Variants in VRK3 observed in about 807,000 individuals in gnomAD.
VRK3 encodes serine/threonine-protein kinase VRK3.
In VRK3, 50 loss-of-function variants were observed where a neutral mutation model predicts 60.4. That is an observed-to-expected ratio of 0.83 (90% CI 0.66 to 1.05). VRK3 has a LOEUF of 1.05. VRK3 is among the 50% of genes least tolerant of loss of function. The probability of loss-of-function intolerance (pLI) is 0.00; values close to 1 mark genes in which losing one functional copy is unlikely to be tolerated. For synonymous variants in VRK3, 246 were observed against 227.8 expected (o/e 1.08, Z -0.72); for missense variants, 549 against 585.3 (o/e 0.94, Z 0.64).
intron 3 of VRK3, among the ~76,000 whole-genome samples, chr19:50,014,920 T>C (rs1055825172): frequency 1.3e-5 from 2 of 151,878 alleles, no homozygotes; most frequent in African/African-American, 4.8e-5. Flanking sequence ...GGCTTCTGCA[T>C]AAGAGAGGTG....
intron 2 of VRK3, among the ~76,000 whole-genome samples, chr19:50,017,303 G>A (rs776354727): frequency 2.6e-5 from 4 of 152,170 alleles, no homozygotes; most frequent in East Asian, 1.9e-4. Flanking sequence ...GGCCGGGCAC[G>A]GTGGCTCGTG....
At chr19:49,987,791 C>T (rs1029140770) in intron 12 of VRK3, 2 of 151,090 alleles carry the variant, frequency 1.3e-5, no homozygotes, top group African/African-American at 4.9e-5. Flanking sequence ...CAAGCTCCCA[C>T]TCCCAGGTTC....
At chr19:50,007,972 T>C in intron 4 of VRK3, 146 bp from the exon 5 acceptor site, 1 of 1,223,392 alleles carries the variant, frequency 8.2e-7, no homozygotes, top group South Asian at 1.5e-5. Context: ...GTCAGGCCTT[T>C]GTGTGATGAT....
intron 5 of VRK3, among the ~76,000 whole-genome samples, chr19:50,004,587 C>T (rs1211635182): frequency 6.6e-6 from 1 of 152,172 alleles, no homozygotes; most frequent in African/African-American, 2.4e-5. Flanking sequence ...CACAGTGTGG[C>T]TGGCAGCATT....
At chr19:50,012,207 G>A (rs539207091) in intron 3 of VRK3, among the ~76,000 whole-genome samples, 1 of 152,176 alleles carries the variant, frequency 6.6e-6, no homozygotes, top group Non-Finnish European at 1.5e-5. Context: ...CCCGACCTCA[G>A]GTGATCAGGC....
rs115785556 is a variant in VRK3, at chr19:50,005,702, C to A, written c.547+1867G>T. ...ATATCACGCAGCCATAAAAGGAGTG[C>A]GGCAGTGACGCGCCACAGCATGGAT... On this transcript the variant is annotated intron_variant, in intron 5 of 14. Transcript: ENST00000316763. 3.2e-3 allele frequency among the ~76,000 whole-genome samples: 487 copies of A among 149,846 alleles called. 72 individuals are homozygous for A. The highest frequency in any genetic ancestry group is 0.012 in the African/African-American group (469 of 39,152).
chr19:50,014,356 T>G (rs1177975717), intron 3 of VRK3, among the ~76,000 whole-genome samples: 1 of 151,494 alleles, frequency 6.6e-6, no homozygotes, highest in African/African-American at 2.4e-5. Flanking sequence ...GTCAGGAATT[T>G]GAGACCAGCC....
intron 3 of VRK3, among the ~76,000 whole-genome samples, chr19:50,009,869 G>T (rs1458795834): frequency 6.6e-6 from 1 of 152,124 alleles, no homozygotes; most frequent in African/African-American, 2.4e-5. Flanking sequence ...TTGAACTCCT[G>T]ACCTCAAGTG....
At chr19:50,006,264 C>T (rs947456432) in intron 5 of VRK3, among the ~76,000 whole-genome samples, 3 of 151,242 alleles carry the variant, frequency 2.0e-5, no homozygotes, top group Non-Finnish European at 2.9e-5. Flanking sequence ...AAGCCGAGAT[C>T]GTGCCACTGC....
chr19:50,013,615 T>A (rs1051548458), intron 3 of VRK3, among the ~76,000 whole-genome samples: 4 of 152,220 alleles, frequency 2.6e-5, no homozygotes, highest in Non-Finnish European at 1.5e-5. Context: ...ATATAGTATC[T>A]GGGCTTGGGC....
chr19:49,994,828 C>A lies in VRK3; in HGVS notation c.856G>T (p.Val286Leu), dbSNP rs1221018150. The change falls in exon 9 of 15, where the codon GTG (valine) becomes TTG (leucine). Residue 286 changes from valine to leucine, a missense_variant. Transcript: ENST00000316763. Reference sequence around the variant, plus strand: ...TGGGTACGCACCAGCCGGCAGGCCACCTGCAGCACAGACCTCTCTGACAGC... The same window carrying A: ...TGGGTACGCACCAGCCGGCAGGCCAACTGCAGCACAGACCTCTCTGACAGC... Reference protein sequence around the residue: ...HVLSERSVLQVACRLLDALEF... With the variant: ...HVLSERSVLQLACRLLDALEF... 6.2e-7 allele frequency: 1 copy of A among 1,613,550 alleles called. No homozygotes were observed. The highest frequency in any genetic ancestry group is 1.3e-5 in the African/African-American group (1 of 74,916).
intron 3 of VRK3, among the ~76,000 whole-genome samples, chr19:50,011,560 C>T (rs1183882676): frequency 2.0e-5 from 3 of 152,166 alleles, no homozygotes. Context: ...GGTAGAAGCT[C>T]TTCCGCAGCT....
intron 4 of VRK3, 136 bp from the exon 5 acceptor site, chr19:50,007,962 G>T: frequency 7.7e-7 from 1 of 1,294,954 alleles, no homozygotes; most frequent in Non-Finnish European, 1.0e-6. Context: ...CCTTCTATGA[G>T]TCAGGCCTTT....
At chr19:49,984,631 TCTTTC>T (rs1329295854) in intron 12 of VRK3, among the ~76,000 whole-genome samples, 2 of 152,180 alleles carry the variant, frequency 1.3e-5, no homozygotes, top group East Asian at 1.9e-4. Flanking sequence ...CTACGATTTT[TCTTTC>T]CTTTTTCTTT....
intron 3 of VRK3, among the ~76,000 whole-genome samples, chr19:50,014,672 C>A (rs189513401): frequency 3.3e-4 from 50 of 152,292 alleles, no homozygotes; most frequent in Admixed American, 2.8e-3. Context: ...GAGCGGCAAG[C>A]GCACAGGCTG....
chr19:49,984,978 G>A (rs1211629665), intron 12 of VRK3, among the ~76,000 whole-genome samples: 2 of 152,072 alleles, frequency 1.3e-5, no homozygotes, highest in Admixed American at 6.5e-5. Flanking sequence ...TCCAGAGAAG[G>A]ATGTGTGTGT....
intron 1 of VRK3, among the ~76,000 whole-genome samples, chr19:50,021,466 TAA>T (rs1328316491): frequency 6.6e-6 from 1 of 152,174 alleles, no homozygotes; most frequent in Non-Finnish European, 1.5e-5. Context: ...TGAGGCAGCC[TAA>T]AGTAGCCCAG....
chr19:50,010,048 T>TTATATATATATA lies in VRK3; in HGVS notation c.140-675_140-664dup, dbSNP rs767619218. Among the ~76,000 whole-genome samples the TTATATATATATA allele has an allele frequency of 2.1e-3, 305 of 148,330 alleles. 1 individual carries two copies. The highest frequency in any genetic ancestry group is 7.4e-3 in the African/African-American group (295 of 39,940). ...CGAGTTTCTGATTACAATAATTATTTTATATATATATACACACACACACAC... is the reference window on the plus strand; with the variant it reads ...CGAGTTTCTGATTACAATAATTATTTTATATATATATATATATATATATACACACACACACAC... On this transcript the variant is annotated intron_variant, in intron 3 of 14. Coordinates refer to ENST00000316763, the MANE Select transcript of VRK3 (RefSeq NM_016440.4).
rs1001773071 is a variant in VRK3 at position 49,989,840 on chromosome 19, G to T, written c.964-69C>A. The T allele has an allele frequency of 9.4e-6, 14 of 1,486,140 alleles. No homozygotes were observed. In the African/African-American group the frequency reaches 1.7e-4, roughly 18 times the overall value. The allele number at this position is 1,486,140 out of a possible 1,614,324, so 92.1% of individuals were successfully genotyped here. A position where few individuals can be genotyped will look rare whatever the true frequency, so the allele number is the denominator to read the frequency against. On this transcript the variant is annotated intron_variant, in intron 10 of 14. Transcript: ENST00000316763. ...GTAGAAGTCAGAGATTTCCATCGTG[G>T]GTGCAAGTGACAACAAACATTCTAC...
Sources: gnomAD v4.1 joint callset for allele counts (sites outside exome capture counted in the v4.1 genomes callset) on GRCh38, gnomAD v4.1.1 for gene constraint, MANE v1.5 for transcripts, NCBI Gene and HGNC (gene_info 2026-07-23, HGNC 2026-07-21) for gene names.